Variants in SMOC2 observed in about 807,000 individuals in gnomAD.
The protein encoded by SMOC2 is SPARC-related modular calcium-binding protein 2.
Under a neutral mutation model 61.4 loss-of-function variants are expected in SMOC2, and 39 were observed. The ratio of observed to expected loss-of-function variants is 0.64; its 90% CI spans 0.49 to 0.83. The LOEUF (loss-of-function observed/expected upper bound fraction) is 0.83, where lower values mean the gene tolerates loss of function less well. SMOC2 is among the 40% of genes least tolerant of loss of function. SMOC2 has a pLI of 0.00. For synonymous variants in SMOC2, 247 were observed against 239.9 expected (o/e 1.03, Z -0.27); for missense variants, 556 against 592.9 (o/e 0.94, Z 0.65).
At chr6:168,446,687 G>A (rs976977392) in intron 1 of SMOC2, among the ~76,000 whole-genome samples, 6 of 152,166 alleles carry the variant, frequency 3.9e-5, no homozygotes, top group Non-Finnish European at 7.4e-5. Context: ...TGCTCTGAAA[G>A]TGAAAATAAC....
intron 1 of SMOC2, among the ~76,000 whole-genome samples, chr6:168,448,681 A>G (rs1781392296): frequency 6.6e-6 from 1 of 152,100 alleles, no homozygotes; most frequent in Non-Finnish European, 1.5e-5. Flanking sequence ...CACTGAGGCA[A>G]TGAGGCTTAT....
chr6:168,554,440 T>A (rs1784198659), intron 7 of SMOC2, among the ~76,000 whole-genome samples: 2 of 152,334 alleles, frequency 1.3e-5, no homozygotes, highest in South Asian at 2.1e-4. Flanking sequence ...CTGCAGGAAC[T>A]TTTTTACACT....
At chr6:168,501,118 A>G (rs979313664) in intron 1 of SMOC2, among the ~76,000 whole-genome samples, 2 of 152,224 alleles carry the variant, frequency 1.3e-5, no homozygotes, top group Admixed American at 1.3e-4. Flanking sequence ...TCATTGCCAG[A>G]GATAATTATT....
intron 1 of SMOC2, among the ~76,000 whole-genome samples, chr6:168,455,242 C>T (rs1413398394): frequency 2.0e-5 from 3 of 151,996 alleles, no homozygotes; most frequent in South Asian, 2.1e-4. Flanking sequence ...GGAGGGCAGC[C>T]GACTTGGGGT....
chr6:168,574,299 C>T (rs1784742543), intron 7 of SMOC2, among the ~76,000 whole-genome samples: 3 of 152,292 alleles, frequency 2.0e-5, no homozygotes, highest in South Asian at 2.1e-4. Context: ...CCCTGCAGGC[C>T]GGGCCTCCAT....
chr6:168,595,016 G>GCTC (rs1199069192), intron 7 of SMOC2, among the ~76,000 whole-genome samples: 4 of 99,162 alleles, frequency 4.0e-5, no homozygotes, highest in African/African-American at 1.1e-4. Context: ...GGATCGCCGA[G>GCTC]CTCCTCCTCC....
intron 7 of SMOC2, among the ~76,000 whole-genome samples, chr6:168,582,020 C>T (rs144568104): frequency 7.1e-4 from 108 of 152,308 alleles, no homozygotes; most frequent in African/African-American, 2.4e-3. Flanking sequence ...GGAGTTCTTC[C>T]GAGATTATCT....
rs1782053972 is a variant in SMOC2 at position 168,475,321 on chromosome 6, G to A, written c.84+33867G>A. 1.3e-5 allele frequency among the ~76,000 whole-genome samples: 2 copies of A among 152,252 alleles called. No individual in the cohort carries two copies. Among genetic ancestry groups the A allele is most frequent in the South Asian group, 4.1e-4 (2 of 4,830 alleles). On this transcript the variant is annotated intron_variant, in intron 1 of 12. Coordinates refer to ENST00000356284, the MANE Select transcript of SMOC2 (RefSeq NM_001166412.2). The surrounding 1 kb of genome is among the most constrained non-coding windows in gnomAD (Gnocchi z 4.6). Reference sequence around the variant, plus strand: ...TCAATGCCTTTCCTTCCTCTTCTCTGTGGACGTAGATTAAATTCACTCTCA... The same window carrying A: ...TCAATGCCTTTCCTTCCTCTTCTCTATGGACGTAGATTAAATTCACTCTCA...
At chr6:168,500,889 G>A (rs7754743) in intron 1 of SMOC2, among the ~76,000 whole-genome samples, 7,280 of 152,218 alleles carry the variant, frequency 0.048, 573 homozygotes, top group African/African-American at 0.16. Context: ...TGTAGCTAAA[G>A]CAATAAGGAT....
intron 11 of SMOC2, among the ~76,000 whole-genome samples, chr6:168,661,513 A>T (rs1216688185): frequency 6.6e-6 from 1 of 152,090 alleles, no homozygotes; most frequent in African/African-American, 2.4e-5. Flanking sequence ...GAGGCAGGAA[A>T]ATTGCTTGAA....
chr6:168,559,456 AAAAAAT>A (rs575773468), intron 7 of SMOC2, among the ~76,000 whole-genome samples: 15 of 139,924 alleles, frequency 1.1e-4, no homozygotes, highest in East Asian at 8.1e-4. Flanking sequence ...CTCTGTCTCA[AAAAAAT>A]AAAAATAAAA....
chr6:168,562,447 C>T (rs532264583), intron 7 of SMOC2, among the ~76,000 whole-genome samples: 99 of 137,590 alleles, frequency 7.2e-4, no homozygotes, highest in Non-Finnish European at 9.3e-4. Flanking sequence ...TCACTGTGTT[C>T]TCGGAGGAGG....
intron 10 of SMOC2, among the ~76,000 whole-genome samples, chr6:168,651,345 G>A (rs1390348933): frequency 6.6e-6 from 1 of 152,092 alleles, no homozygotes; most frequent in Non-Finnish European, 1.5e-5. Flanking sequence ...CCGCACTCCT[G>A]GACCTGGGGC....
chr6:168,588,195 C>T (rs1328204363), intron 7 of SMOC2, among the ~76,000 whole-genome samples: 2 of 151,440 alleles, frequency 1.3e-5, no homozygotes, highest in East Asian at 3.9e-4. Flanking sequence ...ATGATCTCGG[C>T]TCACTGTAAC....
At chr6:168,536,149 G>T (rs537339316) in intron 4 of SMOC2, among the ~76,000 whole-genome samples, 5 of 152,178 alleles carry the variant, frequency 3.3e-5, no homozygotes, top group African/African-American at 1.2e-4. Context: ...GCTCGTGGCT[G>T]GCCCCACACT....
intron 7 of SMOC2, among the ~76,000 whole-genome samples, chr6:168,582,370 G>C (rs1361188007): frequency 6.6e-6 from 1 of 152,196 alleles, no homozygotes; most frequent in Non-Finnish European, 1.5e-5. Context: ...TTGTGAGTGG[G>C]TGAGTGTGAG....
At chr6:168,447,390 C>T (rs374366043) in intron 1 of SMOC2, among the ~76,000 whole-genome samples, 1 of 152,172 alleles carries the variant, frequency 6.6e-6, no homozygotes, top group Admixed American at 6.5e-5. Flanking sequence ...CTTTGCTTCT[C>T]CTTTTACCAA....
chr6:168,450,367 T>C (rs532927411), intron 1 of SMOC2, among the ~76,000 whole-genome samples: 18 of 152,358 alleles, frequency 1.2e-4, no homozygotes, highest in African/African-American at 4.3e-4. Context: ...GAATGAAGGC[T>C]GAGAGTTGTG....
At chr6:168,613,421 C>T (rs1325250287) in intron 9 of SMOC2, among the ~76,000 whole-genome samples, 1 of 152,134 alleles carries the variant, frequency 6.6e-6, no homozygotes, top group African/African-American at 2.4e-5. Context: ...TGTTACTGCC[C>T]TGTACCCCAA....
Sources: allele counts gnomAD v4.1 joint callset (sites outside exome capture counted in the v4.1 genomes callset), GRCh38; gene constraint gnomAD v4.1.1; non-coding constraint Gnocchi (gnomAD v3.1); transcripts MANE v1.5; gene names NCBI Gene and HGNC (gene_info 2026-07-23, HGNC 2026-07-21).